CDKAL1: variants seen among roughly 807,000 people sequenced by gnomAD.
CDKAL1 encodes the protein threonylcarbamoyladenosine tRNA methylthiotransferase.
In CDKAL1, 32 loss-of-function variants were observed where a neutral mutation model predicts 68.2. The ratio of observed to expected loss-of-function variants is 0.47; its 90% CI spans 0.35 to 0.63. The LOEUF (loss-of-function observed/expected upper bound fraction) is 0.63, where lower values mean the gene tolerates loss of function less well. CDKAL1 is among the 30% of genes least tolerant of loss of function. The pLI is 0.00. For synonymous variants in CDKAL1, 234 were observed against 244.3 expected, an observed-to-expected ratio of 0.96 and a Z score of 0.39; for missense variants, 606 against 696.7, an observed-to-expected ratio of 0.87 and a Z score of 1.47.
At chr6:20,750,708 A>G (rs1239365854) in intron 6 of CDKAL1, among the ~76,000 whole-genome samples, 1 of 152,220 alleles carries the variant, frequency 6.6e-6, no homozygotes, top group Admixed American at 6.5e-5. Flanking sequence ...TCATGCCTGT[A>G]ATCCCAGCAC....
At chr6:20,719,426 G>A (rs1328149566) in intron 5 of CDKAL1, among the ~76,000 whole-genome samples, 2 of 152,106 alleles carry the variant, frequency 1.3e-5, no homozygotes, top group Non-Finnish European at 2.9e-5. Context: ...ACTAATACGA[G>A]TGTACATAGG....
chr6:20,675,785 T>C (rs1770063760), intron 5 of CDKAL1, among the ~76,000 whole-genome samples: 1 of 148,342 alleles, frequency 6.7e-6, no homozygotes, highest in South Asian at 2.1e-4. Context: ...GAACTGTTTC[T>C]ACTGATTAAA....
intron 9 of CDKAL1, among the ~76,000 whole-genome samples, chr6:20,922,504 G>A (rs150816490): frequency 5.3e-5 from 8 of 152,298 alleles, no homozygotes; most frequent in Admixed American, 1.3e-4. Flanking sequence ...ATAGATACGT[G>A]TATGGGTGTG....
chr6:20,724,986 G>A (rs1405093667), intron 5 of CDKAL1, among the ~76,000 whole-genome samples: 1 of 152,138 alleles, frequency 6.6e-6, no homozygotes, highest in African/African-American at 2.4e-5. Context: ...CTTGGCGAAT[G>A]TGATAATTAG....
intron 13 of CDKAL1, among the ~76,000 whole-genome samples, chr6:21,114,234 C>G (rs1439120586): frequency 6.6e-5 from 7 of 106,568 alleles, no homozygotes; most frequent in Non-Finnish European, 1.1e-4. Context: ...GGCAACAGAG[C>G]AAGACTCTGT....
chr6:20,815,677 T>C lies in CDKAL1; in HGVS notation c.639-30398T>C, dbSNP rs528819556. Among the ~76,000 whole-genome samples the C allele has an allele frequency of 2.6e-5, 4 of 152,260 alleles. No homozygotes were observed. In the East Asian group the frequency reaches 7.7e-4, roughly 29 times the overall value. ...CTGATTATGAAAGTAAACATGTTCA[T>C]TAAAAAAAGGTTTAGAAAATTTGAA... On this transcript the variant is annotated intron_variant, in intron 8 of 15. Transcript: ENST00000274695.
rs112023474 is a variant in CDKAL1, at chr6:20,897,652, C to T, written c.742+51474C>T. Among the ~76,000 whole-genome samples, 270 of 151,996 alleles carry T rather than the reference C, an allele frequency of 1.8e-3. 2 individuals are homozygous for T. The highest frequency in any genetic ancestry group is 6.0e-3 in the African/African-American group (250 of 41,446). Reference sequence around the variant, plus strand: ...TTTTAGTAAGGGACTACAACATTATCCTAATTATATAGGAAAAAGTCTTCG... The same window carrying T: ...TTTTAGTAAGGGACTACAACATTATTCTAATTATATAGGAAAAAGTCTTCG... On this transcript the variant is annotated intron_variant, in intron 9 of 15. Coordinates refer to ENST00000274695, the MANE Select transcript of CDKAL1 (RefSeq NM_017774.3).
At chr6:20,671,267 T>G (rs1769801465) in intron 5 of CDKAL1, among the ~76,000 whole-genome samples, 1 of 152,206 alleles carries the variant, frequency 6.6e-6, no homozygotes, top group South Asian at 2.1e-4. Flanking sequence ...TCTGTAATTG[T>G]GAGTGGGTTT....
At chr6:20,650,028 T>C (rs528259958) in intron 5 of CDKAL1, among the ~76,000 whole-genome samples, 10 of 152,342 alleles carry the variant, frequency 6.6e-5, no homozygotes, top group Non-Finnish European at 1.3e-4. Flanking sequence ...TGAACATATG[T>C]GTGCATGTAT....
At chr6:21,048,144 A>T (rs1023058337) in intron 11 of CDKAL1, among the ~76,000 whole-genome samples, 16 of 152,332 alleles carry the variant, frequency 1.1e-4, no homozygotes, top group South Asian at 2.1e-4. Context: ...TTTGCAGACC[A>T]TGCAGTTTCT....
At chr6:20,933,600 G>T (rs1187544155) in intron 9 of CDKAL1, among the ~76,000 whole-genome samples, 1 of 152,218 alleles carries the variant, frequency 6.6e-6, no homozygotes, top group African/African-American at 2.4e-5. Flanking sequence ...AAGTAATTAA[G>T]CTACATGTAG....
At chr6:21,038,563 T>G (rs1342635966) in intron 11 of CDKAL1, among the ~76,000 whole-genome samples, 5 of 152,214 alleles carry the variant, frequency 3.3e-5, no homozygotes, top group Non-Finnish European at 7.3e-5. Context: ...GTCATTCCTT[T>G]TTTCTTAAAC....
At chr6:20,878,737 T>TTAAAAAAAAAAG (rs1760663023) in intron 9 of CDKAL1, among the ~76,000 whole-genome samples, 1 of 149,768 alleles carries the variant, frequency 6.7e-6, no homozygotes, top group African/African-American at 2.5e-5. Flanking sequence ...CTCTGTCTCA[T>TTAAAAAAAAAAG]AAATAAATAA....
At chr6:20,793,762 G>T (rs59212709) in intron 8 of CDKAL1, among the ~76,000 whole-genome samples, 58,916 of 144,460 alleles carry the variant, frequency 0.41, 12,049 homozygotes, top group South Asian at 0.45. Flanking sequence ...TTCAGGGATT[G>T]TTTTTTTTTA....
chr6:20,948,936 G>A (rs1764391485), intron 9 of CDKAL1, among the ~76,000 whole-genome samples: 1 of 152,170 alleles, frequency 6.6e-6, no homozygotes, highest in Admixed American at 6.5e-5. Flanking sequence ...TCCTGCAGAA[G>A]TATGGAAATA....
chr6:20,898,287 T>A (rs573771047), intron 9 of CDKAL1, among the ~76,000 whole-genome samples: 10 of 151,546 alleles, frequency 6.6e-5, no homozygotes, highest in African/African-American at 2.4e-4. Flanking sequence ...CTTAGTTATT[T>A]AGTAAATTTC....
At chr6:20,750,532 T>C (rs1234576241) in intron 6 of CDKAL1, among the ~76,000 whole-genome samples, 3 of 152,178 alleles carry the variant, frequency 2.0e-5, no homozygotes, top group African/African-American at 4.8e-5. Context: ...CATTTAATAA[T>C]AACCTCCATG....
At chr6:21,154,082 C>A (rs2151053393) in intron 13 of CDKAL1, among the ~76,000 whole-genome samples, 1 of 152,294 alleles carries the variant, frequency 6.6e-6, no homozygotes, top group South Asian at 2.1e-4. Flanking sequence ...TCGGTTTCCT[C>A]ATCCATAACA....
intron 4 of CDKAL1, among the ~76,000 whole-genome samples, chr6:20,570,064 C>G (rs559594801): frequency 7.9e-5 from 12 of 151,760 alleles, no homozygotes; most frequent in Non-Finnish European, 1.3e-4. Flanking sequence ...TTGACTACAG[C>G]GAAAGCTTTT....
Sources: allele counts gnomAD v4.1 joint callset (sites outside exome capture counted in the v4.1 genomes callset), GRCh38; gene constraint gnomAD v4.1.1; transcripts MANE v1.5; gene names NCBI Gene and HGNC (gene_info 2026-07-23, HGNC 2026-07-21).